UBE2K: variants seen among roughly 807,000 people sequenced by gnomAD.
UBE2K encodes ubiquitin conjugating enzyme E2 K.
In UBE2K, 6 loss-of-function variants were observed where a neutral mutation model predicts 30.0. That is an observed-to-expected ratio of 0.20 (90% CI 0.11 to 0.39). The LOEUF (loss-of-function observed/expected upper bound fraction) is 0.39, where lower values mean the gene tolerates loss of function less well. Ranked by LOEUF, UBE2K falls within the 10% of genes least tolerant of loss-of-function variation. The probability of loss-of-function intolerance (pLI) is 1.00; values close to 1 mark genes in which losing one functional copy is unlikely to be tolerated. For synonymous variants in UBE2K, 86 were observed against 83.7 expected (o/e 1.03, Z -0.15); for missense variants, 61 against 241.6 (o/e 0.25, Z 4.96).
Position 39,737,527 on chromosome 4 carries a change from T to G in UBE2K, c.157+14T>G, listed in dbSNP as rs754706332. The G allele has an allele frequency of 2.7e-6, 4 of 1,499,200 alleles. No individual in the cohort carries two copies. Among genetic ancestry groups the G allele is most frequent in the Non-Finnish European group, 3.6e-6 (4 of 1,108,194 alleles). The allele number at this position is 1,499,200 out of a possible 1,614,324, so 92.9% of individuals were successfully genotyped here. On this transcript the variant is annotated intron_variant, in intron 2 of 6. Transcript: ENST00000261427. ...CACCATATGAAGGCAAGTACTTTTT[T>G]CTGTATCAAAATATTGTGCGTATTA... is the stretch of plus-strand genomic sequence containing the variant.
chr4:39,724,331 A>G (rs1266486176), intron 1 of UBE2K, among the ~76,000 whole-genome samples: 1 of 151,348 alleles, frequency 6.6e-6, no homozygotes, highest in Non-Finnish European at 1.5e-5. Context: ...GCTAGTCTCA[A>G]ACTCCTGGGT....
intron 1 of UBE2K, among the ~76,000 whole-genome samples, chr4:39,721,548 G>C (rs902851670): frequency 6.6e-6 from 1 of 151,546 alleles, no homozygotes; most frequent in Non-Finnish European, 1.5e-5. Flanking sequence ...GTAGAGATGG[G>C]GTTTCACCGT....
chr4:39,731,263 T>C (rs1720060372), intron 1 of UBE2K, among the ~76,000 whole-genome samples: 1 of 152,228 alleles, frequency 6.6e-6, no homozygotes. Flanking sequence ...TATATTGTAT[T>C]GGATACTGCT....
rs914582067 is a variant in UBE2K at position 39,781,115 on chromosome 4, A to T, written c.*2681A>T. The T allele has an allele frequency of 6.6e-6, 1 of 152,110 alleles. No homozygotes were observed. The highest frequency in any genetic ancestry group is 1.5e-5 in the Non-Finnish European group (1 of 67,964). The allele number at this position is 152,110 out of a possible 1,614,324, so 9.4% of individuals were successfully genotyped here. A position where few individuals can be genotyped will look rare whatever the true frequency, so the allele number is the denominator to read the frequency against. ...GTACTGATGAATGAATGAATGAATG[A>T]ATGGCAGTTAGTGGACCCAAATAAG... is the stretch of plus-strand genomic sequence containing the variant. On this transcript the variant is annotated 3_prime_UTR_variant, in exon 7 of 7. Transcript: ENST00000261427.
At chr4:39,769,213 G>GTTT (rs60471860) in intron 4 of UBE2K, among the ~76,000 whole-genome samples, 2 of 128,690 alleles carry the variant, frequency 1.6e-5, no homozygotes, top group African/African-American at 5.8e-5. Flanking sequence ...GTTTCTTTTT[G>GTTT]TTTTTTTTTT....
At chr4:39,716,930 G>A (rs766486924) in intron 1 of UBE2K, among the ~76,000 whole-genome samples, 4 of 150,798 alleles carry the variant, frequency 2.7e-5, no homozygotes, top group Admixed American at 1.3e-4. Context: ...CCCGGGAGGC[G>A]GAGGTTGCTG....
rs539437315 is a variant in UBE2K, at chr4:39,781,095, G to GATGAATGA, written c.*2677_*2684dup. 3.2e-4 allele frequency: 49 copies of GATGAATGA among 152,128 alleles called. No individual in the cohort carries two copies. Among genetic ancestry groups the GATGAATGA allele is most frequent in the African/African-American group, 1.2e-3 (48 of 41,514 alleles). 9.4% of individuals were successfully genotyped at this position (152,128 alleles called of 1,614,324 possible). ...ATTAGCTGTATAGTATTTCAGTACT[G>GATGAATGA]ATGAATGAATGAATGAATGAATGGC... On this transcript the variant is annotated 3_prime_UTR_variant, in exon 7 of 7. Coordinates refer to ENST00000261427, the MANE Select transcript of UBE2K (RefSeq NM_005339.5).
intron 1 of UBE2K, among the ~76,000 whole-genome samples, chr4:39,734,525 CG>C: frequency 6.6e-6 from 1 of 151,878 alleles, no homozygotes; most frequent in East Asian, 1.9e-4. Context: ...GGGCTGGATG[CG>C]GTACCTCACA....
rs1002679090 is a variant in UBE2K, at chr4:39,771,491, C to G, written c.300-3343C>G. 239 of 1,480,342 alleles carry G rather than the reference C, an allele frequency of 1.6e-4. 1 individual carries two copies. Among genetic ancestry groups the G allele is most frequent in the Non-Finnish European group, 1.9e-4 (208 of 1,119,626 alleles). The allele number at this position is 1,480,342 out of a possible 1,614,324, so 91.7% of individuals were successfully genotyped here. On this transcript the variant is annotated intron_variant, in intron 4 of 6. Coordinates refer to ENST00000261427, the MANE Select transcript of UBE2K (RefSeq NM_005339.5). ...TTCCGCGCGCTGTTTTTTTTTAATC[C>G]CCTATTTTCCCCACCCCCGCGGGGC...
intron 4 of UBE2K, among the ~76,000 whole-genome samples, chr4:39,772,934 G>T (rs562682678): frequency 1.3e-5 from 2 of 151,634 alleles, no homozygotes; most frequent in South Asian, 2.1e-4. Context: ...ATGATTGCCC[G>T]CCCTGGCCTC....
intron 3 of UBE2K, among the ~76,000 whole-genome samples, chr4:39,754,550 G>A (rs1721430555): frequency 6.6e-6 from 1 of 152,138 alleles, no homozygotes; most frequent in Admixed American, 6.5e-5. Flanking sequence ...GTGTTCTGTT[G>A]CCCAGGCTGT....
At chr4:39,741,202 C>T (rs1720684584) in intron 2 of UBE2K, among the ~76,000 whole-genome samples, 3 of 151,874 alleles carry the variant, frequency 2.0e-5, no homozygotes, top group South Asian at 2.1e-4. Flanking sequence ...ATCCATGAGA[C>T]GGAGGTTGCA....
At chr4:39,752,852 A>G (rs146746160) in intron 3 of UBE2K, among the ~76,000 whole-genome samples, 70 of 152,208 alleles carry the variant, frequency 4.6e-4, no homozygotes, top group African/African-American at 1.7e-3. Flanking sequence ...ATTTTCAGAT[A>G]AGAAATACTC....
chr4:39,726,263 T>C (rs1210226786), intron 1 of UBE2K, among the ~76,000 whole-genome samples: 1 of 152,234 alleles, frequency 6.6e-6, no homozygotes. Flanking sequence ...CCCAAAGTGC[T>C]GGGATTACAG....
chr4:39,768,580 C>T lies in UBE2K; in HGVS notation c.300-6254C>T, dbSNP rs1410478444. 2.0e-5 allele frequency among the ~76,000 whole-genome samples: 3 copies of T among 152,058 alleles called. No individual in the cohort carries two copies. In the East Asian group the frequency reaches 5.8e-4, roughly 29 times the overall value. ...TGCATTTAAAAGAGATGAGGTTTCACCATCTTGCCCAGGCTGGTCTCAAAC... is the reference window on the plus strand; with the variant it reads ...TGCATTTAAAAGAGATGAGGTTTCATCATCTTGCCCAGGCTGGTCTCAAAC... On this transcript the variant is annotated intron_variant, in intron 4 of 6. Transcript: ENST00000261427.
intron 1 of UBE2K, among the ~76,000 whole-genome samples, chr4:39,712,433 A>G (rs370527687): frequency 4.5e-5 from 1 of 22,158 alleles, no homozygotes; most frequent in Admixed American, 5.0e-4. Context: ...TTTTTGTTTT[A>G]TTTTGTTTTG....
intron 4 of UBE2K, among the ~76,000 whole-genome samples, chr4:39,764,181 C>A (rs1041839563): frequency 5.9e-5 from 9 of 152,080 alleles, no homozygotes; most frequent in Non-Finnish European, 1.2e-4. Flanking sequence ...ATGGCAAGAC[C>A]CTGTCTGTAC....
chr4:39,770,550 G>T, intron 4 of UBE2K: 1 of 1,594,442 alleles, frequency 6.3e-7, no homozygotes, highest in Non-Finnish European at 8.5e-7. Flanking sequence ...GGCCGCCGCT[G>T]CTGCTTCCAC....
At chr4:39,761,426 A>T (rs1711937713) in intron 4 of UBE2K, 1 of 152,252 alleles carries the variant, frequency 6.6e-6, no homozygotes, top group Non-Finnish European at 1.5e-5. Flanking sequence ...AGTCAACGGT[A>T]TGAACAATTC....
Sources: allele counts gnomAD v4.1 joint callset (sites outside exome capture counted in the v4.1 genomes callset), GRCh38; gene constraint gnomAD v4.1.1; transcripts MANE v1.5; gene names NCBI Gene and HGNC (gene_info 2026-07-23, HGNC 2026-07-21).